Variants in HS6ST1 observed in about 807,000 individuals in gnomAD.
The protein encoded by HS6ST1 is heparan sulfate 6-O-sulfotransferase 1.
Under a neutral mutation model 25.2 loss-of-function variants are expected in HS6ST1, and 3 were observed. The ratio of observed to expected loss-of-function variants is 0.12; its 90% confidence interval spans 0.05 to 0.31. HS6ST1 has a LOEUF of 0.31. HS6ST1 is among the 10% of genes least tolerant of loss of function. The probability of loss-of-function intolerance (pLI) is 1.00; values close to 1 mark genes in which losing one functional copy is unlikely to be tolerated. For synonymous variants in HS6ST1, 204 were observed against 275.1 expected, an observed-to-expected ratio of 0.74 and a Z score of 2.56; for missense variants, 310 against 609.6, an observed-to-expected ratio of 0.51 and a Z score of 5.18.
chr2:128,295,011 T>G (rs1321988538), intron 1 of HS6ST1, among the ~76,000 whole-genome samples: 1 of 152,102 alleles, frequency 6.6e-6, no homozygotes, highest in Admixed American at 6.5e-5. Flanking sequence ...GGTTTTCCTG[T>G]GTGGCAAGGC....
In HS6ST1 at chr2:128,293,140, T is replaced by C. The variant is rs575744346; in HGVS notation, c.528-24270A>G. 6.6e-5 allele frequency among the ~76,000 whole-genome samples: 10 copies of C among 152,204 alleles called. No individual in the cohort carries two copies. In the South Asian group the frequency reaches 2.1e-3, roughly 32 times the overall value. ...AGGCTGGGCCTTGCTCTGCATGCAG[T>C]GGGGCCCAAACCAGCCAGGCACTCC... On this transcript the variant is annotated intron_variant, in intron 1 of 1. Transcript: ENST00000259241.
chr2:128,318,470 A>G lies in HS6ST1; in HGVS notation c.94T>C (p.Leu32=). The part of the protein sequence containing the change: ...VAGSVCFMLI[L]YQYAGPGLSL... ...AGTCCTGGGCCCGCGTACTGGTACA[A>G]GATGAGCATGAAGCACACCGAGCCC... The change falls in exon 1 of 2, where the codon TTG becomes CTG. Residue 32 remains leucine, a synonymous_variant. Transcript: ENST00000259241. This position sits in a 1 kb window ranked among gnomAD's most constrained non-coding sequence, Gnocchi z 5.7. The G allele has an allele frequency of 6.3e-7, 1 of 1,575,618 alleles. No individual in the cohort carries two copies. Among genetic ancestry groups the G allele is most frequent in the South Asian group, 1.1e-5 (1 of 88,710 alleles).
At chr2:128,297,177 T>C (rs1178509766) in intron 1 of HS6ST1, among the ~76,000 whole-genome samples, 7 of 152,180 alleles carry the variant, frequency 4.6e-5, no homozygotes, top group African/African-American at 1.7e-4. Context: ...TGTGGTACTG[T>C]CATAAAGATA....
intron 1 of HS6ST1, among the ~76,000 whole-genome samples, chr2:128,295,270 T>A (rs1694025860): frequency 6.6e-6 from 1 of 152,190 alleles, no homozygotes. Context: ...GTACCATTCT[T>A]CTCTCCACTT....
chr2:128,269,526 G>A (rs1259200998), intron 1 of HS6ST1, among the ~76,000 whole-genome samples: 1 of 152,240 alleles, frequency 6.6e-6, no homozygotes, highest in South Asian at 2.1e-4. Flanking sequence ...TGCGCGGCAG[G>A]AGCCCAGCAT....
At chr2:128,269,645 T>C (rs2104909621) in intron 1 of HS6ST1, among the ~76,000 whole-genome samples, 1 of 152,284 alleles carries the variant, frequency 6.6e-6, no homozygotes, top group East Asian at 1.9e-4. Flanking sequence ...TGTGTGTGTG[T>C]GGGCTCAGCC....
At chr2:128,310,489 C>T (rs997793629) in intron 1 of HS6ST1, among the ~76,000 whole-genome samples, 1 of 152,220 alleles carries the variant, frequency 6.6e-6, no homozygotes, top group Non-Finnish European at 1.5e-5. Context: ...ATCCTTAGCG[C>T]AGCTCCCAGC....
chr2:128,272,066 C>T (rs1693616632), intron 1 of HS6ST1, among the ~76,000 whole-genome samples: 1 of 152,212 alleles, frequency 6.6e-6, no homozygotes. Flanking sequence ...AGCCATGGGC[C>T]ACAGCCACAA....
intron 1 of HS6ST1, among the ~76,000 whole-genome samples, chr2:128,288,266 G>GA (rs1322470148): frequency 6.6e-6 from 1 of 152,218 alleles, no homozygotes; most frequent in East Asian, 1.9e-4. Context: ...GGCCCACCAA[G>GA]AGAGACGTGG....
chr2:128,283,254 C>T (rs1380834491), intron 1 of HS6ST1, among the ~76,000 whole-genome samples: 2 of 152,220 alleles, frequency 1.3e-5, no homozygotes, highest in African/African-American at 4.8e-5. Flanking sequence ...AATCCGCTCA[C>T]AGCAGGGGTC....
chr2:128,278,157 C>A (rs769826726), intron 1 of HS6ST1, among the ~76,000 whole-genome samples: 6 of 152,226 alleles, frequency 3.9e-5, no homozygotes, highest in Non-Finnish European at 7.4e-5. Flanking sequence ...CAGGCAGGCA[C>A]GAGCTGAGGC....
At chr2:128,317,453 C>G (rs887422651) in intron 1 of HS6ST1, among the ~76,000 whole-genome samples, 28 of 152,358 alleles carry the variant, frequency 1.8e-4, no homozygotes, top group African/African-American at 6.7e-4. Context: ...TGCCTCCTCC[C>G]CGCCCCCAGC....
chr2:128,287,864 A>G (rs1693888721), intron 1 of HS6ST1, among the ~76,000 whole-genome samples: 1 of 152,232 alleles, frequency 6.6e-6, no homozygotes, highest in South Asian at 2.1e-4. Context: ...GGCTCCAGCA[A>G]GGCCATGAGG....
intron 1 of HS6ST1, among the ~76,000 whole-genome samples, chr2:128,287,155 G>A (rs1000107057): frequency 1.3e-5 from 2 of 152,306 alleles, no homozygotes; most frequent in South Asian, 2.1e-4. Context: ...GGCCACACCC[G>A]CCACACCTCC....
At chr2:128,294,656 C>T (rs1694011849) in intron 1 of HS6ST1, among the ~76,000 whole-genome samples, 1 of 149,998 alleles carries the variant, frequency 6.7e-6, no homozygotes, top group Non-Finnish European at 1.5e-5. Context: ...GAGGCTCCAC[C>T]GCAAAGAAGG....
At position 128,318,586 on chromosome 2, in the gene HS6ST1, G is replaced by A; in HGVS notation, c.-23C>T. On this transcript the variant is annotated 5_prime_UTR_variant, in exon 1 of 2. Coordinates refer to ENST00000259241, the MANE Select transcript of HS6ST1 (RefSeq NM_004807.3). This position sits in a 1 kb window ranked among gnomAD's most constrained non-coding sequence, Gnocchi z 5.7. ...CATGTGTCACCATCGCCGGGGCCCG[G>A]GCGCGGGGCGCGGGGCCTGGGAGGG... 7.6e-7 allele frequency: 1 copy of A among 1,313,456 alleles called. No individual in the cohort carries two copies. Among genetic ancestry groups the A allele is most frequent in the African/African-American group, 1.6e-5 (1 of 63,674 alleles). The allele number at this position is 1,313,456 out of a possible 1,614,324, so 81.4% of individuals were successfully genotyped here.
rs6431005 is a variant in HS6ST1, at chr2:128,269,175, A to G, written c.528-305T>C. Among the ~76,000 whole-genome samples the G allele has an allele frequency of 0.6, 91,709 of 152,112 alleles. 28,354 individuals carry two copies. The highest frequency in any genetic ancestry group is 0.74 in the East Asian group (3,802 of 5,138). ...GAGCCACCAATACCGCATCCAGAGAAGTCGCAGAGCCACAGCCGCCTGAGG... is the reference window on the plus strand; with the variant it reads ...GAGCCACCAATACCGCATCCAGAGAGGTCGCAGAGCCACAGCCGCCTGAGG... On this transcript the variant is annotated intron_variant, in intron 1 of 1. Transcript: ENST00000259241.
In HS6ST1 at chr2:128,272,472, C is replaced by T. The variant is rs60725961; in HGVS notation, c.528-3602G>A. 8.7e-3 allele frequency among the ~76,000 whole-genome samples: 1,319 copies of T among 152,338 alleles called. 17 individuals are homozygous for T. Among genetic ancestry groups the T allele is most frequent in the African/African-American group, 0.029 (1,188 of 41,574 alleles). On this transcript the variant is annotated intron_variant, in intron 1 of 1. Coordinates refer to ENST00000259241, the MANE Select transcript of HS6ST1 (RefSeq NM_004807.3). The stretch of plus-strand genomic sequence containing the variant: ...TCTAGTAGCCCCAGATGGCACGCGA[C>T]CTACTGACCATCACGGGTGGGGGTG...
At chr2:128,311,391 C>T (rs569587885) in intron 1 of HS6ST1, among the ~76,000 whole-genome samples, 168 of 152,264 alleles carry the variant, frequency 1.1e-3, no homozygotes, top group Middle Eastern at 3.4e-3. Flanking sequence ...GTCTGCCTCC[C>T]GCCTGAATCA....
Sources: allele counts gnomAD v4.1 joint callset (sites outside exome capture counted in the v4.1 genomes callset), GRCh38; gene constraint gnomAD v4.1.1; non-coding constraint Gnocchi (gnomAD v3.1); transcripts MANE v1.5; gene names NCBI Gene and HGNC (gene_info 2026-07-23, HGNC 2026-07-21).